The following CDH24 variants were observed in gnomAD, a reference collection of about 807,000 sequenced individuals.
The protein encoded by CDH24 is cadherin 24, also known as cadherin-24.
Under a neutral mutation model 71.2 loss-of-function variants are expected in CDH24, and 61 were observed. The observed-to-expected ratio is 0.86, with a 90% CI of 0.70 to 1.06. The LOEUF (loss-of-function observed/expected upper bound fraction) is 1.06. Among genes scored for constraint, CDH24 ranks in the 50% least tolerant of loss-of-function variants. CDH24 has a pLI of 0.00. For synonymous variants in CDH24, 440 were observed against 470.2 expected, an observed-to-expected ratio of 0.94 and a Z score of 0.83; for missense variants, 961 against 1,083.7, an observed-to-expected ratio of 0.89 and a Z score of 1.59.
chr14:23,055,124 TTGA>T lies in CDH24; in HGVS notation c.428_430del (p.Ile143del). On this transcript the variant is annotated inframe_deletion, in exon 3 of 13. Transcript: ENST00000487137. This position sits in a 1 kb window ranked among gnomAD's most constrained non-coding sequence, Gnocchi z 4.1. ...AAGGGGAAAAATGGGTGGATTGTCG[TTGA>T]TGTCTTGCACTTTGATGATGAACTC... 1.2e-6 allele frequency: 2 copies of T among 1,614,098 alleles called. No individual in the cohort carries two copies. The highest frequency in any genetic ancestry group is 1.7e-6 in the Non-Finnish European group (2 of 1,179,990).
At position 23,055,302 on chromosome 14, in the gene CDH24, C is replaced by T. The variant is rs369282262; in HGVS notation, c.253G>A (p.Gly85Arg). 2.5e-5 allele frequency: 40 copies of T among 1,611,410 alleles called. No homozygotes were observed. Among genetic ancestry groups the T allele is most frequent in the Middle Eastern group, 1.6e-4 (1 of 6,074 alleles). The change falls in exon 3 of 13, where the codon GGG becomes AGG. Residue 85 changes from glycine (G) to arginine (R), a missense_variant. Gly to Arg is a moderately radical substitution (Grantham distance 125, BLOSUM62 -2). Transcript: ENST00000487137. This position sits in a 1 kb window ranked among gnomAD's most constrained non-coding sequence, Gnocchi z 4.1. ...ACAAATACGGTGCCTGCCCCCTCCC[C>T]GGTCAACAGGTACTTGGTGCGGCCC... ...GEGRTKYLLT[G>R]EGAGTVFVID...
Position 23,057,400 on chromosome 14 carries a change from T to A in CDH24, c.-125+3A>T, listed in dbSNP as rs2047146915. 6.6e-6 allele frequency: 1 copy of A among 151,842 alleles called. No homozygotes were observed. The highest frequency in any genetic ancestry group is 1.5e-5 in the Non-Finnish European group (1 of 67,936). The allele number at this position is 151,842 out of a possible 1,614,324, so 9.4% of individuals were successfully genotyped here. ...ACCCCTGCTCCGGGGCAGGCGCCCT[T>A]ACCTGGCACTGCCGAGGGGCCCAGG... On this transcript the variant is annotated splice_donor_region_variant and intron_variant, in intron 1 of 12. Coordinates refer to ENST00000487137, the MANE Select transcript of CDH24 (RefSeq NM_144985.4). The surrounding 1 kb of genome is among the most constrained non-coding windows in gnomAD (Gnocchi z 5.4).
intron 7 of CDH24, among the ~76,000 whole-genome samples, 172 bp from the exon 8 acceptor site, chr14:23,052,781 C>T (rs1354280145): frequency 1.3e-5 from 2 of 152,056 alleles, no homozygotes; most frequent in Admixed American, 6.6e-5. Flanking sequence ...GGGGGATCAC[C>T]ACCATTAAAC....
chr14:23,056,810 C>G (rs1193751704), intron 1 of CDH24, among the ~76,000 whole-genome samples: 1 of 151,972 alleles, frequency 6.6e-6, no homozygotes, highest in Non-Finnish European at 1.5e-5. Flanking sequence ...GAGAGGAGAC[C>G]CTTCCCACTG....
intron 8 of CDH24, 125 bp downstream of exon 8, chr14:23,052,348 T>C: frequency 9.7e-7 from 1 of 1,034,154 alleles, no homozygotes. Flanking sequence ...AGATCCAGGC[T>C]AGGACTCAGT....
At position 23,051,976 on chromosome 14, in the gene CDH24, G is replaced by A. The variant is rs921819040; in HGVS notation, c.1363+497C>T. The A allele has an allele frequency of 6.4e-7, 1 of 1,564,684 alleles. No homozygotes were observed. The highest frequency in any genetic ancestry group is 8.7e-7 in the Non-Finnish European group (1 of 1,150,692). The stretch of plus-strand genomic sequence containing the variant: ...ATGGTGTCCACTCCCCTACCTTGGG[G>A]GATTCCCACAGCGCTTCCAACAGGG... On this transcript the variant is annotated intron_variant, in intron 8 of 12. Transcript: ENST00000487137. The surrounding 1 kb of genome is among the most constrained non-coding windows in gnomAD (Gnocchi z 4.4).
At chr14:23,052,318 T>C (rs754461633) in intron 8 of CDH24, 155 bp downstream of exon 8, 1 of 883,450 alleles carries the variant, frequency 1.1e-6, no homozygotes, top group Non-Finnish European at 1.8e-6. Flanking sequence ...AGGCTAGGAC[T>C]TGGATCCAGG....
Position 23,049,163 on chromosome 14 carries a change from G to T in CDH24, c.1710C>A (p.Ala570=). 1.9e-6 allele frequency: 3 copies of T among 1,590,012 alleles called. No individual in the cohort carries two copies. The highest frequency in any genetic ancestry group is 2.6e-6 in the Non-Finnish European group (3 of 1,168,098). ...DWGQPALSST[A]TVTVSVCRCQ... ...AGCGGCACACACTAACAGTCACTGTGGCAGTGCTGCTCAGCGCCGGCTGCC... is the reference window on the plus strand; with the variant it reads ...AGCGGCACACACTAACAGTCACTGTTGCAGTGCTGCTCAGCGCCGGCTGCC... Residue 570 remains alanine (A), a synonymous_variant, in exon 11 of 13, where the codon GCC becomes GCA. Transcript: ENST00000487137.
Position 23,051,954 on chromosome 14 carries a change from G to A in CDH24, c.1363+519C>T. ...GCTGGCACTCCTCCCCTTCCTTATG[G>A]TGTCCACTCCCCTACCTTGGGGGAT... On this transcript the variant is annotated intron_variant, in intron 8 of 12. Coordinates refer to ENST00000487137, the MANE Select transcript of CDH24 (RefSeq NM_144985.4). This position sits in a 1 kb window ranked among gnomAD's most constrained non-coding sequence, Gnocchi z 4.4. 1 of 1,443,376 alleles carries A rather than the reference G, an allele frequency of 6.9e-7. No homozygotes were observed. The highest frequency in any genetic ancestry group is 9.5e-7 in the Non-Finnish European group (1 of 1,055,248). 89.4% of individuals were successfully genotyped at this position (1,443,376 alleles called of 1,614,324 possible).
intron 8 of CDH24, chr14:23,052,115 T>C: frequency 8.2e-7 from 1 of 1,224,066 alleles, no homozygotes; most frequent in Non-Finnish European, 1.2e-6. Flanking sequence ...ATGGGGTCTG[T>C]CAGTACACAG....
chr14:23,053,398 A>T, intron 7 of CDH24, 98 bp downstream of exon 7: 2 of 1,339,406 alleles, frequency 1.5e-6, no homozygotes, highest in Non-Finnish European at 2.0e-6. Context: ...TTGCTGGGAT[A>T]TGAGTGATTT....
chr14:23,054,121 T>C lies in CDH24; in HGVS notation c.972+20A>G. ...CAGGAGGCAGGTCTAAGAGAAAGCA[T>C]TAACAGGCAGGAGGCTAACCTTGCG... is the stretch of plus-strand genomic sequence containing the variant. On this transcript the variant is annotated intron_variant, in intron 6 of 12. Coordinates refer to ENST00000487137, the MANE Select transcript of CDH24 (RefSeq NM_144985.4). This position sits in a 1 kb window ranked among gnomAD's most constrained non-coding sequence, Gnocchi z 5.2. The C allele has an allele frequency of 6.4e-7, 1 of 1,570,306 alleles. No individual in the cohort carries two copies. Among genetic ancestry groups the C allele is most frequent in the South Asian group, 1.2e-5 (1 of 86,796 alleles).
chr14:23,056,033 C>T (rs1231721898), intron 1 of CDH24, among the ~76,000 whole-genome samples, 176 bp from the exon 2 acceptor site: 1 of 152,200 alleles, frequency 6.6e-6, no homozygotes, highest in Non-Finnish European at 1.5e-5. Context: ...ATGTATTCAC[C>T]TCCAGCCCTC....
chr14:23,047,944 C>T lies in CDH24; in HGVS notation c.*36G>A. The T allele has an allele frequency of 9.9e-7, 1 of 1,009,968 alleles. No homozygotes were observed. The highest frequency in any genetic ancestry group is 1.2e-6 in the Non-Finnish European group (1 of 801,858). 62.6% of individuals were successfully genotyped at this position (1,009,968 alleles called of 1,614,324 possible). A position where few individuals can be genotyped will look rare whatever the true frequency, so the allele number is the denominator to read the frequency against. ...TCACTCAGAGGGCCTGTGCCCGCTG[C>T]CCCCCCCCCGCGGTGGGCCGGGCCA... On this transcript the variant is annotated 3_prime_UTR_variant, in exon 12 of 13. Transcript: ENST00000487137.
At chr14:23,048,820 G>T (rs1350964667) in intron 11 of CDH24, among the ~76,000 whole-genome samples, 1 of 152,224 alleles carries the variant, frequency 6.6e-6, no homozygotes, top group Non-Finnish European at 1.5e-5. Context: ...GTAAACCATT[G>T]TTATGGCTTG....
In CDH24 at chr14:23,049,881, C is replaced by T; in HGVS notation, c.1426G>A (p.Ala476Thr). 2 of 1,614,070 alleles carry T rather than the reference C, an allele frequency of 1.2e-6. No homozygotes were observed. Among genetic ancestry groups the T allele is most frequent in the Non-Finnish European group, 1.7e-6 (2 of 1,180,008 alleles). The change falls in exon 9 of 13, where the codon GCT becomes ACT. Residue 476 changes from alanine (A) to threonine (T), a missense_variant. This residue lies in a region of CDH24 where 671 missense variants were observed against 810.9 expected (regional missense o/e 0.83). Transcript: ENST00000487137. ...TCGTAGGGCTCAGCCAGCTGGGGAG[C>T]ATTGTCATTCTCATCCAGGGTCTGG... ...AIQTLDENDN[A>T]PQLAEPYDTF...
Position 23,055,515 on chromosome 14 carries a change from G to T in CDH24, c.201+18C>A. The T allele has an allele frequency of 6.2e-7, 1 of 1,612,316 alleles. No homozygotes were observed. Among genetic ancestry groups the T allele is most frequent in the South Asian group, 1.1e-5 (1 of 90,894 alleles). On this transcript the variant is annotated intron_variant, in intron 2 of 12. Transcript: ENST00000487137. The surrounding 1 kb of genome is among the most constrained non-coding windows in gnomAD (Gnocchi z 4.1). Reference sequence around the variant, plus strand: ...GAGGGCTTGGTGTCAGAGTAGACATGGGAGGGGTCATCCTTACCTTGCCAA... The same window carrying T: ...GAGGGCTTGGTGTCAGAGTAGACATTGGAGGGGTCATCCTTACCTTGCCAA...
chr14:23,049,253 C>A lies in CDH24; in HGVS notation c.1620G>T (p.Leu540=). The A allele has an allele frequency of 6.3e-7, 1 of 1,576,768 alleles. No homozygotes were observed. Among genetic ancestry groups the A allele is most frequent in the Non-Finnish European group, 8.6e-7 (1 of 1,160,634 alleles). Residue 540 remains leucine (L), a synonymous_variant, in exon 11 of 13, where the codon CTG becomes CTT. Transcript: ENST00000487137. ...DNRDGSASLL[L]PSRPAPPRHA... is the part of the protein sequence containing the mutation. ...GGCGGGGTGGAGCAGGGCGGGAGGGCAGCAGCAGGCTGGCGGAGCCATCTG... is the reference window on the plus strand; with the variant it reads ...GGCGGGGTGGAGCAGGGCGGGAGGGAAGCAGCAGGCTGGCGGAGCCATCTG...
Position 23,049,193 on chromosome 14 carries a change from G to C in CDH24, c.1680C>G (p.Asp560Glu). The C allele has an allele frequency of 6.3e-7, 1 of 1,576,228 alleles. No homozygotes were observed. The highest frequency in any genetic ancestry group is 8.6e-7 in the Non-Finnish European group (1 of 1,160,422). ...APYLVPIELW[D>E]WGQPALSSTA... ...TGCTGCTCAGCGCCGGCTGCCCCCAGTCCCACAGTTCTATGGGAACCAAGT... is the reference window on the plus strand; with the variant it reads ...TGCTGCTCAGCGCCGGCTGCCCCCACTCCCACAGTTCTATGGGAACCAAGT... Residue 560 changes from aspartate to glutamate, a missense_variant, in exon 11 of 13, where the codon GAC (aspartate) becomes GAG (glutamate). Physicochemically the swap from Asp to Glu is conservative, Grantham distance 45 (BLOSUM62 2). This residue lies in a region of CDH24 where 671 missense variants were observed against 810.9 expected (regional missense o/e 0.83). Coordinates refer to ENST00000487137, the MANE Select transcript of CDH24 (RefSeq NM_144985.4).
Sources: gnomAD v4.1 joint callset for allele counts (sites outside exome capture counted in the v4.1 genomes callset) on GRCh38, gnomAD v4.1.1 for gene constraint, gnomAD v4.1.1 regional missense constraint, Gnocchi (gnomAD v3.1) non-coding constraint, MANE v1.5 for transcripts, NCBI Gene and HGNC (gene_info 2026-07-23, HGNC 2026-07-21) for gene names.